The following CDC6 variants were observed in gnomAD, a reference collection of about 807,000 sequenced individuals.
CDC6 encodes DNA replication factor CDC6.
Under a neutral mutation model 60.2 loss-of-function variants are expected in CDC6, and 46 were observed. The observed-to-expected ratio is 0.76, with a 90% CI of 0.60 to 0.98. The LOEUF (loss-of-function observed/expected upper bound fraction) is 0.98. CDC6 is among the 50% of genes least tolerant of loss of function. CDC6 has a pLI of 0.00. For missense variants in CDC6, 596 were observed against 652.9 expected, an observed-to-expected ratio of 0.91 and a Z score of 0.95; for synonymous variants, 210 against 233.2, an observed-to-expected ratio of 0.90 and a Z score of 0.90.
rs377451782 is a variant in CDC6 at position 40,298,305 on chromosome 17, GCACCACTA to G, written c.1249+1539_1249+1546del. On this transcript the variant is annotated intron_variant, in intron 9 of 11. Coordinates refer to ENST00000209728, the MANE Select transcript of CDC6 (RefSeq NM_001254.4). The stretch of plus-strand genomic sequence containing the variant: ...TTAGGCTTGTCACTGGCCCCTGTGA[GCACCACTA>G]ACACAAACATAATTCAAAAAGGTAA... Among the ~76,000 whole-genome samples the G allele has an allele frequency of 7.6e-4, 115 of 152,008 alleles. 1 individual carries two copies. Among genetic ancestry groups the G allele is most frequent in the African/African-American group, 2.7e-3 (111 of 41,412 alleles).
intron 9 of CDC6, among the ~76,000 whole-genome samples, chr17:40,297,252 T>C (rs2032871706): frequency 6.6e-6 from 1 of 151,802 alleles, no homozygotes; most frequent in African/African-American, 2.4e-5. Flanking sequence ...GCCTGGGCAA[T>C]ATAGTGAGAC....
chr17:40,294,599 T>G (rs1019170131), intron 7 of CDC6, 96 bp downstream of exon 7: 1 of 1,178,820 alleles, frequency 8.5e-7, no homozygotes, highest in Non-Finnish European at 1.3e-6. Context: ...CCTTGATTGC[T>G]TTATTAATGG....
chr17:40,288,066 G>C lies in CDC6; in HGVS notation c.-38G>C, dbSNP rs999343680. On this transcript the variant is annotated 5_prime_UTR_variant, in exon 1 of 12. Coordinates refer to ENST00000209728, the MANE Select transcript of CDC6 (RefSeq NM_001254.4). ...TGTGAGGCAGCGGAGCTGGGTGAAG[G>C]CTGCGGGTTCCGGCGAGGCCTGAGG... 2 of 154,120 alleles carry C rather than the reference G, an allele frequency of 1.3e-5. No individual in the cohort carries two copies. The highest frequency in any genetic ancestry group is 2.9e-5 in the Non-Finnish European group (2 of 69,172). The allele number at this position is 154,120 out of a possible 1,614,324, so 9.5% of individuals were successfully genotyped here.
chr17:40,299,998 T>C (rs1343106467), intron 9 of CDC6, among the ~76,000 whole-genome samples: 1 of 152,052 alleles, frequency 6.6e-6, no homozygotes, highest in Non-Finnish European at 1.5e-5. Context: ...AGTTTCACTC[T>C]TGTCGTCCAG....
At chr17:40,291,027 G>A (rs2032749354) in intron 2 of CDC6, 31 bp from the exon 3 acceptor site, 1 of 1,610,778 alleles carries the variant, frequency 6.2e-7, no homozygotes, top group South Asian at 1.1e-5. Flanking sequence ...AATGCTATGA[G>A]TGACTACATT....
chr17:40,302,165 T>C lies in CDC6; in HGVS notation c.*164T>C. 1 of 645,376 alleles carries C rather than the reference T, an allele frequency of 1.5e-6. No homozygotes were observed. The allele number at this position is 645,376 out of a possible 1,614,324, so 40.0% of individuals were successfully genotyped here. ...ATTCTTTAATATTAGCACAGAATAA[T>C]ATCTTTGGGTCTTACTATTTTTACC... On this transcript the variant is annotated 3_prime_UTR_variant, in exon 12 of 12. Transcript: ENST00000209728.
Position 40,300,965 on chromosome 17 carries a change from A to T in CDC6, c.1387A>T (p.Ile463Phe). Residue 463 changes from isoleucine (I) to phenylalanine (F), a missense_variant, in exon 10 of 12, where the codon ATC becomes TTC. Transcript: ENST00000209728. Reference sequence around the variant, plus strand: ...AGATTCCTTCCCTCTTCAGCAGAAGATCTTGGTTTGCTCTTTGATGCTCTT... The same window carrying T: ...AGATTCCTTCCCTCTTCAGCAGAAGTTCTTGGTTTGCTCTTTGATGCTCTT... ...AQDSFPLQQK[I>F]LVCSLMLLIR... 1 of 1,614,112 alleles carries T rather than the reference A, an allele frequency of 6.2e-7. No individual in the cohort carries two copies. The highest frequency in any genetic ancestry group is 8.5e-7 in the Non-Finnish European group (1 of 1,179,970).
At chr17:40,294,624 A>G (rs1598516141) in intron 7 of CDC6, 121 bp downstream of exon 7, 6 of 869,578 alleles carry the variant, frequency 6.9e-6, no homozygotes, top group East Asian at 4.9e-5. Context: ...AGGAGTTCCT[A>G]TGGACCATAG....
chr17:40,302,110 T>G lies in CDC6; in HGVS notation c.*109T>G. Reference sequence around the variant, plus strand: ...GCCTGAAAACAAATATGACCTTTTTTACTTGAAGCCAATGAATTTTAATCT... The same window carrying G: ...GCCTGAAAACAAATATGACCTTTTTGACTTGAAGCCAATGAATTTTAATCT... On this transcript the variant is annotated 3_prime_UTR_variant, in exon 12 of 12. Transcript: ENST00000209728. 3.9e-6 allele frequency: 3 copies of G among 766,918 alleles called. No homozygotes were observed. The East Asian group carries it at 7.3e-5, about 19-fold the overall frequency. The allele number at this position is 766,918 out of a possible 1,614,324, so 47.5% of individuals were successfully genotyped here.
Position 40,293,595 on chromosome 17 carries a change from T to A in CDC6, c.800T>A (p.Leu267Ter). Residue 267 changes from leucine (L) to a stop codon, truncating the protein, a stop_gained, in exon 5 of 12, where the codon TTG (leucine) becomes TAG (stop). Transcript: ENST00000209728. LOFTEE classifies it high-confidence loss of function. Reference sequence around the variant, plus strand: ...GCTGGGAAGGACATGATGAGGAAATTGGAAAAACATATGACTGCAGAGAAG... The same window carrying A: ...GCTGGGAAGGACATGATGAGGAAATAGGAAAAACATATGACTGCAGAGAAG... ...RPAGKDMMRKLEKHMTAEKGP... is the reference protein window; with the variant it reads ...RPAGKDMMRK 1 of 1,613,892 alleles carries A rather than the reference T, an allele frequency of 6.2e-7. No individual in the cohort carries two copies. The highest frequency in any genetic ancestry group is 8.5e-7 in the Non-Finnish European group (1 of 1,179,780).
Position 40,296,738 on chromosome 17 carries a change from G to A in CDC6, c.1220G>A (p.Ser407Asn). 4.4e-6 allele frequency: 7 copies of A among 1,607,482 alleles called. No individual in the cohort carries two copies. Among genetic ancestry groups the A allele is most frequent in the Non-Finnish European group, 6.0e-6 (7 of 1,173,950 alleles). Residue 407 changes from serine to asparagine, a missense_variant, in exon 9 of 12, where the codon AGC (serine) becomes AAC (asparagine). Physicochemically the swap from Ser to Asn is conservative, Grantham distance 46. Coordinates refer to ENST00000209728, the MANE Select transcript of CDC6 (RefSeq NM_001254.4). ...GAAATTGTAGAGTCAGATGTCAAAA[G>A]CCAGACTATTCTCAAACCACTGTCT... is the stretch of plus-strand genomic sequence containing the variant. ...AIEIVESDVKSQTILKPLSEC... is the reference protein window; with the variant it reads ...AIEIVESDVKNQTILKPLSEC...
At position 40,296,744 on chromosome 17, in the gene CDC6, C is replaced by A. The variant is rs779231529; in HGVS notation, c.1226C>A (p.Thr409Asn). 5.0e-6 allele frequency: 8 copies of A among 1,605,176 alleles called. No homozygotes were observed. The Admixed American group carries it at 1.3e-4, about 27-fold the overall frequency. ...EIVESDVKSQ[T>N]ILKPLSECKS... ...GTAGAGTCAGATGTCAAAAGCCAGA[C>A]TATTCTCAAACCACTGTCTGAATGT... Residue 409 changes from threonine (T) to asparagine (N), a missense_variant, in exon 9 of 12, where the codon ACT becomes AAT. Transcript: ENST00000209728.
At chr17:40,290,244 G>A (rs183674848) in intron 2 of CDC6, among the ~76,000 whole-genome samples, 164 of 152,254 alleles carry the variant, frequency 1.1e-3, no homozygotes, top group African/African-American at 3.6e-3. Context: ...AAACAAAAAC[G>A]TGACATGATG....
chr17:40,300,077 C>A (rs1250983571), intron 9 of CDC6, among the ~76,000 whole-genome samples: 3 of 152,032 alleles, frequency 2.0e-5, no homozygotes, highest in Non-Finnish European at 4.4e-5. Flanking sequence ...ATTCTTCTGC[C>A]TCAACCTCCC....
rs370722747 is a variant in CDC6, at chr17:40,293,582, A to C, written c.787A>C (p.Met263Leu). 1 of 1,613,996 alleles carries C rather than the reference A, an allele frequency of 6.2e-7. No individual in the cohort carries two copies. The highest frequency in any genetic ancestry group is 8.5e-7 in the Non-Finnish European group (1 of 1,179,822). Residue 263 changes from methionine (M) to leucine (L), a missense_variant, in exon 5 of 12, where the codon ATG becomes CTG. Transcript: ENST00000209728. Reference sequence around the variant, plus strand: ...GGTATCCAGGCCAGCTGGGAAGGACATGATGAGGAAATTGGAAAAACATAT... The same window carrying C: ...GGTATCCAGGCCAGCTGGGAAGGACCTGATGAGGAAATTGGAAAAACATAT... The part of the protein sequence containing the change: ...EEVSRPAGKD[M>L]MRKLEKHMTA...
chr17:40,299,138 CTTTTTTTT>C (rs67162965), intron 9 of CDC6, among the ~76,000 whole-genome samples: 15 of 60,780 alleles, frequency 2.5e-4, no homozygotes, highest in South Asian at 5.3e-4. Context: ...AGGCCATAGT[CTTTTTTTT>C]TTTTTTTTTT....
intron 5 of CDC6, 21 bp downstream of exon 5, chr17:40,293,652 T>C (rs771609063): frequency 5.0e-6 from 8 of 1,589,900 alleles, no homozygotes; most frequent in South Asian, 4.4e-5. Flanking sequence ...TTCTGCTTCA[T>C]GTTGCTCTGT....
chr17:40,290,823 T>G (rs918373928), intron 2 of CDC6, among the ~76,000 whole-genome samples: 2 of 152,180 alleles, frequency 1.3e-5, no homozygotes, highest in Non-Finnish European at 2.9e-5. Flanking sequence ...TCTGGAATTT[T>G]CCATTTAGTA....
intron 1 of CDC6, among the ~76,000 whole-genome samples, chr17:40,288,937 G>T (rs2032707184): frequency 6.6e-6 from 1 of 152,104 alleles, no homozygotes; most frequent in African/African-American, 2.4e-5. Context: ...CTGACCTCAG[G>T]TGATCCGCCC....
Sources: allele counts gnomAD v4.1 joint callset (sites outside exome capture counted in the v4.1 genomes callset), GRCh38; gene constraint gnomAD v4.1.1; transcripts MANE v1.5; gene names NCBI Gene and HGNC (gene_info 2026-07-23, HGNC 2026-07-21).